Variants in ALDOB observed in about 807,000 individuals in gnomAD.
ALDOB encodes the protein fructose-bisphosphate aldolase B.
In ALDOB, 39 loss-of-function variants were observed where a neutral mutation model predicts 41.0. The observed-to-expected ratio is 0.95, with a 90% CI of 0.74 to 1.24. The LOEUF is 1.24. ALDOB is among the 50% of genes most tolerant of loss of function. The pLI is 0.00. For missense variants in ALDOB, 530 were observed against 457.3 expected, an observed-to-expected ratio of 1.16 and a Z score of -1.45; for synonymous variants, 175 against 168.8, an observed-to-expected ratio of 1.04 and a Z score of -0.28.
intron 4 of ALDOB, 37 bp from the exon 5 acceptor site, chr9:101,427,679 C>G (rs369813383): frequency 6.2e-7 from 1 of 1,612,602 alleles, no homozygotes; most frequent in African/African-American, 1.3e-5. Context: ...TTCTTTGTAC[C>G]TTTGTACCTG....
intron 6 of ALDOB, 75 bp downstream of exon 6, chr9:101,426,480 A>T: frequency 2.2e-6 from 2 of 915,754 alleles, no homozygotes; most frequent in Non-Finnish European, 3.7e-6. Flanking sequence ...AACAGCTGTT[A>T]TATGTTAAGT....
intron 2 of ALDOB, 58 bp from the exon 3 acceptor site, chr9:101,430,024 T>C: frequency 1.4e-6 from 2 of 1,428,676 alleles, no homozygotes; most frequent in South Asian, 2.3e-5. Context: ...CCTGTCACCC[T>C]TCTCCACATC....
chr9:101,430,638 A>T, intron 2 of ALDOB, 138 bp downstream of exon 2: 1 of 718,550 alleles, frequency 1.4e-6, no homozygotes, highest in Non-Finnish European at 2.5e-6. Flanking sequence ...CAAAAGCTCT[A>T]CGCTTACTGA....
intron 1 of ALDOB, among the ~76,000 whole-genome samples, chr9:101,434,009 C>G (rs918151481): frequency 2.6e-5 from 4 of 152,094 alleles, no homozygotes; most frequent in Admixed American, 2.0e-4. Context: ...TGAGTTCACG[C>G]GATCCTCCCA....
intron 3 of ALDOB, 80 bp from the exon 4 acceptor site, chr9:101,428,603 C>A: frequency 1.7e-6 from 2 of 1,200,686 alleles, no homozygotes; most frequent in East Asian, 2.3e-5. Context: ...CAGTTTGCAT[C>A]TTTTACAGAT....
intron 7 of ALDOB, 136 bp downstream of exon 7, chr9:101,425,314 GAGA>G (rs567021455): frequency 1.1e-4 from 117 of 1,050,930 alleles, no homozygotes; most frequent in East Asian, 3.0e-4. Flanking sequence ...TCTGAAGTGG[GAGA>G]AGAAGTGCTG....
At position 101,429,976 on chromosome 9, in the gene ALDOB, G is replaced by A. The variant is rs773642713; in HGVS notation, c.113-10C>T. The A allele has an allele frequency of 1.2e-6, 2 of 1,613,282 alleles. No homozygotes were observed. Among genetic ancestry groups the A allele is most frequent in the Non-Finnish European group, 8.5e-7 (1 of 1,179,440 alleles). On this transcript the variant is annotated splice_polypyrimidine_tract_variant and intron_variant, in intron 2 of 8. Coordinates refer to ENST00000647789, the MANE Select transcript of ALDOB (RefSeq NM_000035.4). ...CGGTTCCCCATGGTACCTATGGTGG[G>A]AGGGCCAAGGGCAGCATAAGGAGCA...
chr9:101,426,758 AG>A, intron 5 of ALDOB, 120 bp from the exon 6 acceptor site: 1 of 721,428 alleles, frequency 1.4e-6, no homozygotes, highest in Non-Finnish European at 2.5e-6. Flanking sequence ...AATACTACAT[AG>A]ATGACTTAAA....
chr9:101,421,761 C>T lies in ALDOB; in HGVS notation c.*48G>A. On this transcript the variant is annotated 3_prime_UTR_variant, in exon 9 of 9. Coordinates refer to ENST00000647789, the MANE Select transcript of ALDOB (RefSeq NM_000035.4). The stretch of plus-strand genomic sequence containing the variant: ...GATTGGAGGAAAAGTTGCTCCCTTT[C>T]AGCCCTCCTACTAGAAGCACTGGAG... 1 of 1,523,202 alleles carries T rather than the reference C, an allele frequency of 6.6e-7. No homozygotes were observed. Among genetic ancestry groups the T allele is most frequent in the Non-Finnish European group, 9.1e-7 (1 of 1,098,676 alleles). 94.4% of individuals were successfully genotyped at this position (1,523,202 alleles called of 1,614,324 possible).
At chr9:101,431,638 A>G (rs1290231991) in intron 1 of ALDOB, among the ~76,000 whole-genome samples, 1 of 152,186 alleles carries the variant, frequency 6.6e-6, no homozygotes, top group Non-Finnish European at 1.5e-5. Flanking sequence ...CTAACCAAGC[A>G]GCCTCCACAG....
rs1358469439 is a variant in ALDOB, at chr9:101,425,393, T to C, written c.799+60A>G. Reference sequence around the variant, plus strand: ...GCAGATTTCTGGACAAACAGAAAGCTTGTGGCTCTCCAAAGAATGAGGGCT... The same window carrying C: ...GCAGATTTCTGGACAAACAGAAAGCCTGTGGCTCTCCAAAGAATGAGGGCT... On this transcript the variant is annotated intron_variant, in intron 7 of 8. Coordinates refer to ENST00000647789, the MANE Select transcript of ALDOB (RefSeq NM_000035.4). 1.2e-5 allele frequency: 19 copies of C among 1,587,314 alleles called. No individual in the cohort carries two copies. The East Asian group carries it at 3.6e-4, about 30-fold the overall frequency.
At chr9:101,429,143 T>C (rs551640) in intron 3 of ALDOB, among the ~76,000 whole-genome samples, 65,319 of 150,078 alleles carry the variant, frequency 0.44, 14,421 homozygotes, top group South Asian at 0.58. Context: ...TTCTTTCTTT[T>C]TTTTTTTTTT....
chr9:101,434,696 T>A (rs1208626058), intron 1 of ALDOB, among the ~76,000 whole-genome samples: 1 of 152,200 alleles, frequency 6.6e-6, no homozygotes, highest in Non-Finnish European at 1.5e-5. Flanking sequence ...CAGTGCCCTT[T>A]AACACACGCG....
rs1588168847 is a variant in ALDOB at position 101,421,612 on chromosome 9, T to A, written c.*197A>T. The A allele has an allele frequency of 1.5e-6, 1 of 646,548 alleles. No individual in the cohort carries two copies. The highest frequency in any genetic ancestry group is 2.8e-6 in the Non-Finnish European group (1 of 352,080). 40.1% of individuals were successfully genotyped at this position (646,548 alleles called of 1,614,324 possible). ...TTGCAAGGAAACTGCTGTGTGAAATTTGATCAGGTCCTTGGTATTCATTTT... is the reference window on the plus strand; with the variant it reads ...TTGCAAGGAAACTGCTGTGTGAAATATGATCAGGTCCTTGGTATTCATTTT... On this transcript the variant is annotated 3_prime_UTR_variant, in exon 9 of 9. Coordinates refer to ENST00000647789, the MANE Select transcript of ALDOB (RefSeq NM_000035.4).
At position 101,421,437 on chromosome 9, in the gene ALDOB, C is replaced by T. The variant is rs1831044956; in HGVS notation, c.*372G>A. Reference sequence around the variant, plus strand: ...CAGCTATCTCCTTCCCAACCTACCACTGCTAAGACTGTTTCATAAGATGCA... The same window carrying T: ...CAGCTATCTCCTTCCCAACCTACCATTGCTAAGACTGTTTCATAAGATGCA... On this transcript the variant is annotated 3_prime_UTR_variant, in exon 9 of 9. Coordinates refer to ENST00000647789, the MANE Select transcript of ALDOB (RefSeq NM_000035.4). 1.1e-4 allele frequency: 37 copies of T among 351,530 alleles called. No individual in the cohort carries two copies. Among genetic ancestry groups the T allele is most frequent in the South Asian group, 8.6e-4 (37 of 43,162 alleles). 21.8% of individuals were successfully genotyped at this position (351,530 alleles called of 1,614,324 possible). A position where few individuals can be genotyped will look rare whatever the true frequency, so the allele number is the denominator to read the frequency against.
chr9:101,425,890 A>G (rs1435085662), intron 6 of ALDOB, among the ~76,000 whole-genome samples: 1 of 152,150 alleles, frequency 6.6e-6, no homozygotes, highest in Admixed American at 6.5e-5. Context: ...TCTGCTTCCT[A>G]GAAGCCCTTC....
intron 1 of ALDOB, among the ~76,000 whole-genome samples, chr9:101,432,015 C>T (rs1588173169): frequency 6.6e-6 from 1 of 152,298 alleles, no homozygotes; most frequent in South Asian, 2.1e-4. Context: ...CGTAGAGAAG[C>T]TAACTGACTT....
intron 1 of ALDOB, among the ~76,000 whole-genome samples, chr9:101,434,621 ACCC>A (rs1327816913): frequency 2.6e-5 from 4 of 152,156 alleles, no homozygotes; most frequent in Non-Finnish European, 5.9e-5. Flanking sequence ...TTCATTATCC[ACCC>A]CAATGTCCCA....
Position 101,429,814 on chromosome 9 carries a change from T to C in ALDOB, c.265A>G (p.Ser89Gly). The change falls in exon 3 of 9, where the codon AGC becomes GGC. Residue 89 changes from serine (S) to glycine (G), a missense_variant. Ser to Gly is a moderately conservative substitution (Grantham distance 56, BLOSUM62 0). Transcript: ENST00000647789. ...LFHETLYQKD[S>G]QGKLFRNILK... is the part of the protein sequence containing the mutation. Reference sequence around the variant, plus strand: ...ATGTTTCTGAACAGCTTTCCCTGGCTGTCCTTCTGGTAGAGGGTCTCGTGG... The same window carrying C: ...ATGTTTCTGAACAGCTTTCCCTGGCCGTCCTTCTGGTAGAGGGTCTCGTGG... The C allele has an allele frequency of 6.2e-7, 1 of 1,614,170 alleles. No individual in the cohort carries two copies. The highest frequency in any genetic ancestry group is 8.5e-7 in the Non-Finnish European group (1 of 1,180,028).
Sources: gnomAD v4.1 joint callset for allele counts (sites outside exome capture counted in the v4.1 genomes callset) on GRCh38, gnomAD v4.1.1 for gene constraint, MANE v1.5 for transcripts, NCBI Gene and HGNC (gene_info 2026-07-23, HGNC 2026-07-21) for gene names.